The following IST1 variants were observed in gnomAD, a reference collection of about 807,000 sequenced individuals.
IST1 encodes IST1 homolog.
Under a neutral mutation model 37.0 loss-of-function variants are expected in IST1, and 23 were observed. The observed-to-expected ratio is 0.62, with a 90% CI of 0.45 to 0.88. IST1 has a LOEUF of 0.88. Among genes scored for constraint, IST1 ranks in the 40% least tolerant of loss-of-function variants. The probability of loss-of-function intolerance (pLI) is 0.00; values close to 1 mark genes in which losing one functional copy is unlikely to be tolerated. For synonymous variants in IST1, 180 were observed against 161.7 expected (o/e 1.11, Z -0.86); for missense variants, 488 against 445.4 (o/e 1.10, Z -0.86).
chr16:71,924,472 T>C (rs2037688864), intron 8 of IST1: 1 of 514,530 alleles, frequency 1.9e-6, no homozygotes, highest in Admixed American at 3.2e-5. Context: ...ATGCCTGTGG[T>C]CCCAGCTATG....
At chr16:71,914,493 A>G (rs2037427772) in intron 1 of IST1, among the ~76,000 whole-genome samples, 1 of 152,116 alleles carries the variant, frequency 6.6e-6, no homozygotes, top group African/African-American at 2.4e-5. Flanking sequence ...TTTTATCTCC[A>G]TCAAGCCAAT....
chr16:71,912,512 C>G (rs1465384940), intron 1 of IST1, among the ~76,000 whole-genome samples: 1 of 152,198 alleles, frequency 6.6e-6, no homozygotes, highest in Admixed American at 6.5e-5. Context: ...ACTGGGATTA[C>G]AGGTGTGAGC....
rs756585909 is a variant in IST1 at position 71,922,689 on chromosome 16, ATAT to A, written c.759+10_759+12del. 10 of 1,326,454 alleles carry A rather than the reference ATAT, an allele frequency of 7.5e-6. No individual in the cohort carries two copies. The highest frequency in any genetic ancestry group is 4.0e-5 in the Admixed American group (2 of 49,532). 82.2% of individuals were successfully genotyped at this position (1,326,454 alleles called of 1,614,324 possible). ...CACTGCCAAAGGGACCAGTAAGTAT[ATAT>A]AAGTGTGGATGTAAGCTTTAGAAAA... On this transcript the variant is annotated intron_variant, in intron 7 of 9. Coordinates refer to ENST00000378799, the MANE Select transcript of IST1 (RefSeq NM_001270975.2).
At position 71,928,037 on chromosome 16, in the gene IST1, C is replaced by T; in HGVS notation, c.*224C>T. 1.9e-6 allele frequency: 1 copy of T among 516,014 alleles called. No homozygotes were observed. The highest frequency in any genetic ancestry group is 3.5e-6 in the Non-Finnish European group (1 of 285,072). 32.0% of individuals were successfully genotyped at this position (516,014 alleles called of 1,614,324 possible). ...TGAGGCCAGAGCAACTGGCTCCTGG[C>T]AGCTGTGCTTGTCCGTTTCCTGTCA... On this transcript the variant is annotated 3_prime_UTR_variant, in exon 10 of 10. Transcript: ENST00000378799.
chr16:71,930,129 A>G lies in IST1; in HGVS notation c.*2316A>G, dbSNP rs777841109. The G allele has an allele frequency of 1.9e-6, 3 of 1,551,602 alleles. No individual in the cohort carries two copies. The highest frequency in any genetic ancestry group is 1.4e-5 in the African/African-American group (1 of 73,060). ...AGATTAATTACCACAAGTACCATCA[A>G]GATGACACTGGTGAGGATCAGAAAG... is the stretch of plus-strand genomic sequence containing the variant. On this transcript the variant is annotated 3_prime_UTR_variant, in exon 10 of 10. Coordinates refer to ENST00000378799, the MANE Select transcript of IST1 (RefSeq NM_001270975.2).
intron 1 of IST1, among the ~76,000 whole-genome samples, chr16:71,908,656 A>T (rs2037282358): frequency 6.6e-6 from 1 of 152,092 alleles, no homozygotes; most frequent in African/African-American, 2.4e-5. Context: ...TTGATGTGTG[A>T]GTTGAGATTT....
At chr16:71,913,801 C>G (rs2037409499) in intron 1 of IST1, among the ~76,000 whole-genome samples, 1 of 151,900 alleles carries the variant, frequency 6.6e-6, no homozygotes, top group Admixed American at 6.6e-5. Flanking sequence ...ACACTCACAC[C>G]CTACTATTTA....
chr16:71,922,504 C>G lies in IST1; in HGVS notation c.583C>G (p.Leu195Val). The G allele has an allele frequency of 6.2e-7, 1 of 1,614,094 alleles. No individual in the cohort carries two copies. The highest frequency in any genetic ancestry group is 8.5e-7 in the Non-Finnish European group (1 of 1,180,016). ...AGCTCCTCCTGGGGTAGAGACAGAT[C>G]TTATTGATGTTGGATTCACAGATGA... ...AEAPPGVETD[L>V]IDVGFTDDVK... Residue 195 changes from leucine to valine, a missense_variant, in exon 7 of 10, where the codon CTT (leucine) becomes GTT (valine). Coordinates refer to ENST00000378799, the MANE Select transcript of IST1 (RefSeq NM_001270975.2).
At chr16:71,914,132 C>A (rs1398997900) in intron 1 of IST1, among the ~76,000 whole-genome samples, 1 of 136,184 alleles carries the variant, frequency 7.3e-6, no homozygotes, top group African/African-American at 2.8e-5. Flanking sequence ...GTTGTTTTTC[C>A]AGTAGAATAC....
intron 1 of IST1, among the ~76,000 whole-genome samples, chr16:71,901,420 A>T (rs542740292): frequency 6.6e-6 from 1 of 152,124 alleles, no homozygotes; most frequent in Non-Finnish European, 1.5e-5. Context: ...TCACTGCGTT[A>T]GCCAGAATGG....
In IST1 at chr16:71,895,643, C is replaced by A. The variant is rs913475693; in HGVS notation, c.-16+54C>A. 3 of 765,036 alleles carry A rather than the reference C, an allele frequency of 3.9e-6. No individual in the cohort carries two copies. In the African/African-American group the frequency reaches 5.7e-5, roughly 14 times the overall value. The allele number at this position is 765,036 out of a possible 1,614,324, so 47.4% of individuals were successfully genotyped here. ...TCTCTGTCTTCCTCTTCTCTCTGCG[C>A]TCCTGATTTAGCGGTCTCTAGTTAG... On this transcript the variant is annotated intron_variant, in intron 1 of 9. Transcript: ENST00000378799.
At chr16:71,917,404 G>A (rs2037488500) in intron 4 of IST1, among the ~76,000 whole-genome samples, 1 of 152,174 alleles carries the variant, frequency 6.6e-6, no homozygotes, top group Middle Eastern at 3.2e-3. Flanking sequence ...AAATAGAAAA[G>A]TTCTTATACA....
Position 71,930,762 on chromosome 16 carries a change from A to T in IST1, c.*2949A>T, listed in dbSNP as rs924078395. 6.6e-6 allele frequency: 1 copy of T among 152,208 alleles called. No individual in the cohort carries two copies. Among genetic ancestry groups the T allele is most frequent in the Non-Finnish European group, 1.5e-5 (1 of 68,046 alleles). 9.4% of individuals were successfully genotyped at this position (152,208 alleles called of 1,614,324 possible). A position where few individuals can be genotyped will look rare whatever the true frequency, so the allele number is the denominator to read the frequency against. ...TTCTGGGCTTATTGGAATGGTTCCC[A>T]TAACAAAAACTGTTGTTTAAAATTT... On this transcript the variant is annotated 3_prime_UTR_variant, in exon 10 of 10. Coordinates refer to ENST00000378799, the MANE Select transcript of IST1 (RefSeq NM_001270975.2).
chr16:71,924,862 C>T, intron 9 of IST1, 45 bp downstream of exon 9: 4 of 1,343,400 alleles, frequency 3.0e-6, no homozygotes, highest in Non-Finnish European at 4.3e-6. Context: ...GTGCTGAACC[C>T]TCTGCTGTTT....
At position 71,929,360 on chromosome 16, in the gene IST1, C is replaced by G; in HGVS notation, c.*1547C>G. On this transcript the variant is annotated 3_prime_UTR_variant, in exon 10 of 10. Transcript: ENST00000378799. ...CAGAGCTAGTTTGTCTCGTAGTATTCTTGCATTGTTAATCCTATCTTGACA... is the reference window on the plus strand; with the variant it reads ...CAGAGCTAGTTTGTCTCGTAGTATTGTTGCATTGTTAATCCTATCTTGACA... 1.7e-6 allele frequency: 1 copy of G among 583,536 alleles called. No individual in the cohort carries two copies. Among genetic ancestry groups the G allele is most frequent in the Non-Finnish European group, 2.8e-6 (1 of 355,768 alleles). The allele number at this position is 583,536 out of a possible 1,614,324, so 36.1% of individuals were successfully genotyped here. A position where few individuals can be genotyped will look rare whatever the true frequency, so the allele number is the denominator to read the frequency against.
chr16:71,916,651 T>G lies in IST1; in HGVS notation c.269+9T>G. The G allele has an allele frequency of 1.2e-6, 2 of 1,602,924 alleles. No homozygotes were observed. The highest frequency in any genetic ancestry group is 1.7e-6 in the Non-Finnish European group (2 of 1,174,034). ...CTTATCCAGTCTATGAAGTAAGATA[T>G]TTTGATTCAGAGACCTAAATCATTT... is the stretch of plus-strand genomic sequence containing the variant. On this transcript the variant is annotated intron_variant, in intron 3 of 9. Coordinates refer to ENST00000378799, the MANE Select transcript of IST1 (RefSeq NM_001270975.2).
intron 1 of IST1, among the ~76,000 whole-genome samples, chr16:71,903,893 G>C (rs2037163418): frequency 6.6e-6 from 1 of 152,140 alleles, no homozygotes; most frequent in South Asian, 2.1e-4. Flanking sequence ...GAGGTATGTT[G>C]AAGCCTCTAA....
intron 1 of IST1, among the ~76,000 whole-genome samples, chr16:71,902,436 A>G (rs1169532798): frequency 1.3e-5 from 2 of 151,956 alleles, no homozygotes; most frequent in East Asian, 3.9e-4. Flanking sequence ...CGCCTGGCTA[A>G]TTTTTGTATT....
At chr16:71,905,911 A>G (rs1332495503) in intron 1 of IST1, among the ~76,000 whole-genome samples, 3 of 151,786 alleles carry the variant, frequency 2.0e-5, no homozygotes, top group African/African-American at 7.3e-5. Flanking sequence ...TGTAACAGAT[A>G]TTCGCCGTTT....
Sources: gnomAD v4.1 joint callset for allele counts (sites outside exome capture counted in the v4.1 genomes callset) on GRCh38, gnomAD v4.1.1 for gene constraint, MANE v1.5 for transcripts, NCBI Gene and HGNC (gene_info 2026-07-23, HGNC 2026-07-21) for gene names.